The following CACNA1E variants were observed in gnomAD, a reference collection of about 807,000 sequenced individuals.
The protein encoded by CACNA1E is voltage-dependent R-type calcium channel subunit alpha-1E.
A neutral mutation model predicts 259.2 loss-of-function variants in CACNA1E; 40 were observed. That is an observed-to-expected ratio of 0.15 (90% CI 0.12 to 0.20). The LOEUF (loss-of-function observed/expected upper bound fraction) is 0.20, where lower values mean the gene tolerates loss of function less well. Ranked by LOEUF, CACNA1E falls within the 10% of genes least tolerant of loss-of-function variation. The pLI, the probability that CACNA1E is intolerant of heterozygous loss-of-function variation, is 1.00. For missense variants in CACNA1E, 1,874 were observed against 3,040.1 expected (o/e 0.62, Z 9.02); for synonymous variants, 1,104 against 1,138.5 (o/e 0.97, Z 0.61).
intron 6 of CACNA1E, among the ~76,000 whole-genome samples, chr1:181,588,288 T>TAAAA (rs1652289746): frequency 3.3e-5 from 5 of 152,218 alleles, no homozygotes; most frequent in Admixed American, 3.3e-4. Flanking sequence ...TGTCTCTTTT[T>TAAAA]TTAAACACAC....
chr1:181,537,923 G>T (rs1265813620), intron 3 of CACNA1E, among the ~76,000 whole-genome samples: 3 of 152,204 alleles, frequency 2.0e-5, no homozygotes, highest in African/African-American at 7.2e-5. Flanking sequence ...CACATGTAAA[G>T]CACTTAGCAT....
Position 181,710,516 on chromosome 1 carries a change from G to A in CACNA1E, c.1056-438G>A, listed in dbSNP as rs560758832. On this transcript the variant is annotated intron_variant, in intron 7 of 47. Transcript: ENST00000367573. ...TCGTGAGGATGAAATGAGTTAATGG[G>A]TGTAAAAACCTTGATACAGGGCCAA... Among the ~76,000 whole-genome samples the A allele has an allele frequency of 1.1e-3, 167 of 152,262 alleles. 1 individual carries two copies. The highest frequency in any genetic ancestry group is 2.2e-3 in the Admixed American group (33 of 15,286).
intron 6 of CACNA1E, among the ~76,000 whole-genome samples, chr1:181,587,282 A>C (rs2103007439): frequency 6.6e-6 from 1 of 152,310 alleles, no homozygotes; most frequent in Middle Eastern, 3.4e-3. Context: ...GAGTAAGTGG[A>C]GTAGGAAATG....
intron 16 of CACNA1E, 119 bp from the exon 17 acceptor site, chr1:181,724,351 C>CT: frequency 1.4e-6 from 1 of 736,116 alleles, no homozygotes; most frequent in Non-Finnish European, 2.4e-6. Context: ...TTAAGTGACT[C>CT]TTCAGGGTAG....
intron 2 of CACNA1E, 147 bp from the exon 3 acceptor site, chr1:181,511,224 T>C (rs1666137861): frequency 2.3e-6 from 2 of 870,418 alleles, no homozygotes; most frequent in South Asian, 3.2e-5. Flanking sequence ...ACAGACAGCC[T>C]GCAAGGGTCC....
intron 2 of CACNA1E, among the ~76,000 whole-genome samples, chr1:181,416,806 C>T (rs992093213): frequency 6.6e-6 from 1 of 152,178 alleles, no homozygotes; most frequent in South Asian, 2.1e-4. Flanking sequence ...TACTACCCCT[C>T]GTTGCCACCA....
intron 1 of CACNA1E, among the ~76,000 whole-genome samples, chr1:181,351,248 A>G (rs1053034568): frequency 6.6e-6 from 1 of 152,288 alleles, no homozygotes; most frequent in East Asian, 1.9e-4. Flanking sequence ...TGGCTCACAC[A>G]GTGGGGAGTG....
At chr1:181,777,686 C>T (rs1186222949) in intron 38 of CACNA1E, among the ~76,000 whole-genome samples, 1 of 152,118 alleles carries the variant, frequency 6.6e-6, no homozygotes, top group Non-Finnish European at 1.5e-5. Context: ...AAATGGTGAT[C>T]GTGATACCTA....
chr1:181,621,022 T>G (rs2103166108), intron 6 of CACNA1E, among the ~76,000 whole-genome samples: 1 of 152,354 alleles, frequency 6.6e-6, no homozygotes, highest in Non-Finnish European at 1.5e-5. Flanking sequence ...TAGAGTTACA[T>G]AATACATGGA....
At chr1:181,342,077 T>C (rs926488567) in intron 1 of CACNA1E, among the ~76,000 whole-genome samples, 5 of 152,108 alleles carry the variant, frequency 3.3e-5, no homozygotes, top group East Asian at 1.9e-4. Flanking sequence ...GAGGAAGTGA[T>C]ATTTGACTCT....
At chr1:181,357,458 C>A (rs1407040430) in intron 1 of CACNA1E, among the ~76,000 whole-genome samples, 1 of 152,196 alleles carries the variant, frequency 6.6e-6, no homozygotes, top group Non-Finnish European at 1.5e-5. Context: ...CCTCTGTCCC[C>A]TGTTCTGGGC....
intron 34 of CACNA1E, among the ~76,000 whole-genome samples, chr1:181,765,810 C>T (rs72735268): frequency 0.028 from 4,296 of 152,304 alleles, 87 homozygotes; most frequent in Non-Finnish European, 0.04. Flanking sequence ...TGTCTGCATC[C>T]TCCTCCAGTA....
chr1:181,647,034 G>A (rs958312029), intron 6 of CACNA1E, among the ~76,000 whole-genome samples: 2 of 151,030 alleles, frequency 1.3e-5, no homozygotes, highest in African/African-American at 4.8e-5. Flanking sequence ...ATGGAGAGCA[G>A]CCAGTGTGCC....
At chr1:181,320,781 A>G (rs1397153803) in intron 1 of CACNA1E, among the ~76,000 whole-genome samples, 1 of 152,196 alleles carries the variant, frequency 6.6e-6, no homozygotes, top group African/African-American at 2.4e-5. Context: ...CTGCTCGGCC[A>G]TCCTGACTGG....
chr1:181,612,102 G>T (rs1434741124), intron 6 of CACNA1E, among the ~76,000 whole-genome samples: 1 of 152,160 alleles, frequency 6.6e-6, no homozygotes, highest in Admixed American at 6.5e-5. Flanking sequence ...ACCCAAAAAA[G>T]GATGACCCTC....
chr1:181,424,500 GC>G (rs767860491), intron 2 of CACNA1E, among the ~76,000 whole-genome samples: 2 of 152,262 alleles, frequency 1.3e-5, no homozygotes, highest in African/African-American at 4.8e-5. Flanking sequence ...TGCGCGAGCA[GC>G]GCGGTTTTCT....
At chr1:181,464,223 G>A (rs924129417) in intron 2 of CACNA1E, among the ~76,000 whole-genome samples, 1 of 151,956 alleles carries the variant, frequency 6.6e-6, no homozygotes, top group Non-Finnish European at 1.5e-5. Context: ...TTCATCATAT[G>A]ATTTTTAGGA....
At chr1:181,522,282 A>C (rs1486533649) in intron 3 of CACNA1E, among the ~76,000 whole-genome samples, 1 of 152,126 alleles carries the variant, frequency 6.6e-6, no homozygotes, top group Non-Finnish European at 1.5e-5. Flanking sequence ...CATGTTAAAG[A>C]TTTGTTAACC....
At chr1:181,665,055 G>T (rs1227565211) in intron 7 of CACNA1E, among the ~76,000 whole-genome samples, 1 of 152,028 alleles carries the variant, frequency 6.6e-6, no homozygotes, top group African/African-American at 2.4e-5. Flanking sequence ...GGTTGACCAA[G>T]TTCTTAGGTA....
Sources: gnomAD v4.1 joint callset for allele counts (sites outside exome capture counted in the v4.1 genomes callset) on GRCh38, gnomAD v4.1.1 for gene constraint, MANE v1.5 for transcripts, NCBI Gene and HGNC (gene_info 2026-07-23, HGNC 2026-07-21) for gene names.